Variants in MGST2 observed in about 807,000 individuals in gnomAD.
The protein encoded by MGST2 is microsomal glutathione S-transferase 2, also known as glutathione peroxidase MGST2.
MGST2 carries 9 observed loss-of-function variants against 16.6 expected under a neutral mutation model. The ratio of observed to expected loss-of-function variants is 0.54; its 90% CI spans 0.33 to 0.95. MGST2 has a LOEUF of 0.95. Ranked by LOEUF, MGST2 falls within the 40% of genes least tolerant of loss-of-function variation. MGST2 has a pLI of 0.03. For synonymous variants in MGST2, 79 were observed against 68.0 expected, an observed-to-expected ratio of 1.16 and a Z score of -0.79; for missense variants, 159 against 175.1, an observed-to-expected ratio of 0.91 and a Z score of 0.52.
intron 1 of MGST2, among the ~76,000 whole-genome samples, chr4:139,672,850 G>A (rs1199156324): frequency 6.6e-6 from 1 of 151,940 alleles, no homozygotes; most frequent in Non-Finnish European, 1.5e-5. Flanking sequence ...TACTGGGCCC[G>A]GACAGCATTT....
intron 5 of MGST2, among the ~76,000 whole-genome samples, chr4:139,736,082 A>C (rs1728932135): frequency 6.6e-6 from 1 of 152,204 alleles, no homozygotes; most frequent in Non-Finnish European, 1.5e-5. Context: ...AGGATGCCCC[A>C]GAAAACCTGT....
chr4:139,738,615 T>A (rs1729041429), intron 5 of MGST2, among the ~76,000 whole-genome samples: 1 of 152,178 alleles, frequency 6.6e-6, no homozygotes. Context: ...GGGCAATTAC[T>A]TAAAAAATAT....
At chr4:139,698,407 G>A in intron 3 of MGST2, 5 of 1,574,494 alleles carry the variant, frequency 3.2e-6, no homozygotes, top group East Asian at 2.2e-5. Context: ...CTAATTTCAC[G>A]GAGCGCCACA....
intron 5 of MGST2, among the ~76,000 whole-genome samples, chr4:139,721,118 A>G (rs144785638): frequency 2.8e-4 from 42 of 152,368 alleles, no homozygotes; most frequent in African/African-American, 9.9e-4. Context: ...TCTACAGCAA[A>G]GTCCATTCCT....
downstream of MGST2, among the ~76,000 whole-genome samples, chr4:139,741,078 C>A (rs565568587): frequency 6.6e-6 from 1 of 152,314 alleles, no homozygotes; most frequent in South Asian, 2.1e-4. Context: ...TTTCCCCACC[C>A]TCGGCCCCCA....
At chr4:139,684,405 A>G (rs1454701574) in intron 2 of MGST2, among the ~76,000 whole-genome samples, 2 of 152,206 alleles carry the variant, frequency 1.3e-5, no homozygotes, top group Non-Finnish European at 2.9e-5. Flanking sequence ...AAGAGGACTG[A>G]GCCCTGATGG....
chr4:139,706,691 C>T (rs1727531899), downstream of MGST2, among the ~76,000 whole-genome samples: 1 of 152,188 alleles, frequency 6.6e-6, no homozygotes, highest in African/African-American at 2.4e-5. Context: ...CATACACACA[C>T]ACACACACAC....
rs539841276 is a variant in MGST2 at position 139,700,163 on chromosome 4, G to A, written c.230-3292G>A. On this transcript the variant is annotated intron_variant, in intron 3 of 4. Coordinates refer to ENST00000265498, the MANE Select transcript of MGST2 (RefSeq NM_002413.5). ...TTTTTTTTTTTTGAGATGGAGTCTCGCTTTGTTGCCCAGGCTGGAGTGCAG... is the reference window on the plus strand; with the variant it reads ...TTTTTTTTTTTTGAGATGGAGTCTCACTTTGTTGCCCAGGCTGGAGTGCAG... Among the ~76,000 whole-genome samples the A allele has an allele frequency of 2.0e-3, 218 of 107,832 alleles. 1 individual carries two copies. The highest frequency in any genetic ancestry group is 7.2e-3 in the African/African-American group (190 of 26,248). 70.7% of individuals were successfully genotyped at this position (107,832 alleles called of 152,430 possible).
chr4:139,739,878 T>C (rs1000214299), intron 5 of MGST2, among the ~76,000 whole-genome samples: 2 of 152,150 alleles, frequency 1.3e-5, no homozygotes, highest in Non-Finnish European at 2.9e-5. Flanking sequence ...TTGTTAAGAA[T>C]AAGGCTAAAC....
At chr4:139,692,342 C>T (rs1726659586) in intron 2 of MGST2, among the ~76,000 whole-genome samples, 1 of 152,238 alleles carries the variant, frequency 6.6e-6, no homozygotes, top group Non-Finnish European at 1.5e-5. Context: ...ACCCCGGTTC[C>T]CCATCTTCCC....
At chr4:139,700,127 C>CTTTTTTTTTTTTTTTTT (rs56662682) in intron 3 of MGST2, among the ~76,000 whole-genome samples, 1 of 82,974 alleles carries the variant, frequency 1.2e-5, no homozygotes, top group Non-Finnish European at 2.1e-5. Flanking sequence ...TTTGGTTTTG[C>CTTTTTTTTTTTTTTTTT]TTTTTTTTTT....
intron 2 of MGST2, among the ~76,000 whole-genome samples, chr4:139,688,990 C>G (rs1436148744): frequency 6.6e-6 from 1 of 151,986 alleles, no homozygotes; most frequent in African/African-American, 2.4e-5. Context: ...TGCCTGTAAT[C>G]CCAGCTACTT....
downstream of MGST2, among the ~76,000 whole-genome samples, chr4:139,707,964 T>C (rs1222530238): frequency 1.1e-4 from 17 of 152,056 alleles, no homozygotes; most frequent in African/African-American, 3.9e-4. Flanking sequence ...TAGCCCTTTG[T>C]CAGATGAGTA....
At chr4:139,695,352 T>G in intron 3 of MGST2, 85 bp downstream of exon 3, 1 of 1,153,004 alleles carries the variant, frequency 8.7e-7, no homozygotes. Flanking sequence ...CCAGGCACGG[T>G]GGCTCACACC....
chr4:139,684,316 T>C (rs2110841431), intron 2 of MGST2, among the ~76,000 whole-genome samples: 1 of 152,162 alleles, frequency 6.6e-6, no homozygotes, highest in Non-Finnish European at 1.5e-5. Flanking sequence ...TCCCACCAGG[T>C]CCCTCCTACA....
intron 3 of MGST2, among the ~76,000 whole-genome samples, chr4:139,702,387 G>C (rs1727296400): frequency 6.6e-6 from 1 of 152,056 alleles, no homozygotes; most frequent in Non-Finnish European, 1.5e-5. Flanking sequence ...GTTTTCATCA[G>C]TTAGGTTTGT....
intron 1 of MGST2, among the ~76,000 whole-genome samples, chr4:139,670,248 C>T (rs1288513956): frequency 2.3e-4 from 5 of 22,122 alleles, no homozygotes; most frequent in East Asian, 4.7e-3. Context: ...TGATTTCCTT[C>T]GGTGGGGGGC....
At chr4:139,731,132 G>A (rs1486163742) in intron 5 of MGST2, 1 of 167,222 alleles carries the variant, frequency 6.0e-6, no homozygotes, top group East Asian at 1.6e-4. Flanking sequence ...GAAAACTGCA[G>A]GAATTTGTTA....
intron 3 of MGST2, chr4:139,698,356 G>A: frequency 1.2e-6 from 2 of 1,604,000 alleles, no homozygotes; most frequent in Non-Finnish European, 8.5e-7. Flanking sequence ...CGCTGGAAGG[G>A]AAGTTTGCGA....
Sources: gnomAD v4.1 joint callset for allele counts (sites outside exome capture counted in the v4.1 genomes callset) on GRCh38, gnomAD v4.1.1 for gene constraint, MANE v1.5 for transcripts, NCBI Gene and HGNC (gene_info 2026-07-23, HGNC 2026-07-21) for gene names.